Variants in DOCK11 observed in about 807,000 individuals in gnomAD.
DOCK11 encodes dedicator of cytokinesis protein 11.
DOCK11 carries 70 observed loss-of-function variants against 169.1 expected under a neutral mutation model. The ratio of observed to expected loss-of-function variants is 0.41; its 90% confidence interval spans 0.34 to 0.51. DOCK11 has a LOEUF of 0.51. Among genes scored for constraint, DOCK11 ranks in the 20% least tolerant of loss-of-function variants. The pLI, the probability that DOCK11 is intolerant of heterozygous loss-of-function variation, is 0.10. For missense variants in DOCK11, 1,166 were observed against 1,538.8 expected (o/e 0.76, Z 4.05); for synonymous variants, 529 against 541.3 (o/e 0.98, Z 0.32).
chrX:118,536,276 G>T (rs2011748924), intron 1 of DOCK11, among the ~76,000 whole-genome samples: 1 of 109,832 alleles, frequency 9.1e-6, no homozygotes, highest in Non-Finnish European at 1.9e-5. Flanking sequence ...TCCATCCTGG[G>T]CGACAGAGTA....
At chrX:118,507,542 GT>G (rs2057621975) in intron 1 of DOCK11, among the ~76,000 whole-genome samples, 1 of 111,016 alleles carries the variant, frequency 9.0e-6, no homozygotes, top group African/African-American at 3.3e-5. Flanking sequence ...TAGAGACGGG[GT>G]TTCACCATGT....
intron 45 of DOCK11, among the ~76,000 whole-genome samples, chrX:118,664,347 A>G (rs1362637241): frequency 8.9e-6 from 1 of 111,765 alleles, no homozygotes; most frequent in Admixed American, 9.5e-5. Flanking sequence ...GGAAATAACC[A>G]TCAAGCCATT....
intron 45 of DOCK11, among the ~76,000 whole-genome samples, chrX:118,665,763 A>G (rs956852659): frequency 8.9e-6 from 1 of 112,408 alleles, no homozygotes; most frequent in Non-Finnish European, 1.9e-5. Context: ...TTTAGAAGTT[A>G]CATTGAAATG....
In DOCK11 at chrX:118,586,984, A is replaced by G. The variant is rs181864058; in HGVS notation, c.1796-1153A>G. The stretch of plus-strand genomic sequence containing the variant: ...GGTGTGGCATCCACTTTATATTTTA[A>G]AACATCTAAGAGTACAATGGATTAT... On this transcript the variant is annotated intron_variant, in intron 16 of 52. Transcript: ENST00000276202. 6.2e-5 allele frequency among the ~76,000 whole-genome samples: 7 copies of G among 112,649 alleles called. No individual in the cohort carries two copies. The Admixed American group carries it at 6.6e-4, about 11-fold the overall frequency.
At chrX:118,676,122 C>T in intron 47 of DOCK11, 73 bp downstream of exon 47, 2 of 674,445 alleles carry the variant, frequency 3.0e-6, no homozygotes, top group Non-Finnish European at 4.5e-6. Context: ...ACTATAGCAG[C>T]TAGGAGTCTA....
intron 12 of DOCK11, among the ~76,000 whole-genome samples, chrX:118,576,282 C>T (rs1603081424): frequency 9.0e-6 from 1 of 111,217 alleles, no homozygotes; most frequent in Middle Eastern, 4.6e-3. Context: ...TAAGAGTCGC[C>T]CTGGGGTGGG....
In DOCK11 at chrX:118,508,621, T is replaced by C. The variant is rs377079926; in HGVS notation, c.102+12548T>C. Among the ~76,000 whole-genome samples, 7 of 111,452 alleles carry C rather than the reference T, an allele frequency of 6.3e-5. No homozygotes were observed. In the South Asian group the frequency reaches 2.4e-3, roughly 38 times the overall value. On this transcript the variant is annotated intron_variant, in intron 1 of 52. Coordinates refer to ENST00000276202, the MANE Select transcript of DOCK11 (RefSeq NM_144658.4). ...GTACATACATGGAACTGAATCGTTA[T>C]TTCAAAGCTCACAGGGGCCAATAGC...
At chrX:118,578,298 C>T (rs888058778) in intron 12 of DOCK11, among the ~76,000 whole-genome samples, 2 of 111,485 alleles carry the variant, frequency 1.8e-5, no homozygotes, top group East Asian at 2.8e-4. Context: ...GTGACACCTG[C>T]GCTATGGAGA....
rs779502163 is a variant in DOCK11 at position 118,601,338 on chromosome X, C to T, written c.2562+2110C>T. ...ACTTAGGAGGCTGAGGTGGGAGGATCGTTTGAGCCTGGGAGGTTGAGTCTC... is the reference window on the plus strand; with the variant it reads ...ACTTAGGAGGCTGAGGTGGGAGGATTGTTTGAGCCTGGGAGGTTGAGTCTC... On this transcript the variant is annotated intron_variant, in intron 23 of 52. Transcript: ENST00000276202. Among the ~76,000 whole-genome samples the T allele has an allele frequency of 2.8e-5, 3 of 106,673 alleles. No individual in the cohort carries two copies. In the South Asian group the frequency reaches 1.3e-3, roughly 45 times the overall value. 92.6% of individuals were successfully genotyped at this position (106,673 alleles called of 115,157 possible).
intron 13 of DOCK11, among the ~76,000 whole-genome samples, chrX:118,579,848 A>G (rs1265655559): frequency 8.9e-6 from 1 of 112,146 alleles, no homozygotes; most frequent in Non-Finnish European, 1.9e-5. Context: ...AGTGTGCCCT[A>G]TATCTATTTC....
chrX:118,498,840 G>A (rs1454406985), intron 1 of DOCK11, among the ~76,000 whole-genome samples: 3 of 110,517 alleles, frequency 2.7e-5, no homozygotes, highest in Admixed American at 9.7e-5. Flanking sequence ...CTCACTGTTT[G>A]AAAAATTCAG....
In DOCK11 at chrX:118,648,862, G is replaced by A. The variant is rs111949659; in HGVS notation, c.4399-83G>A. 3,052 of 864,487 alleles carry A rather than the reference G, an allele frequency of 3.5e-3. 41 individuals carry two copies. The highest frequency in any genetic ancestry group is 0.035 in the East Asian group (1,034 of 29,786). The allele number at this position is 864,487 out of a possible 1,213,427, so 71.2% of individuals were successfully genotyped here. A position where few individuals can be genotyped will look rare whatever the true frequency, so the allele number is the denominator to read the frequency against. On this transcript the variant is annotated intron_variant, in intron 40 of 52. Transcript: ENST00000276202. Reference sequence around the variant, plus strand: ...CTCAAAGCCCCCAGCATAGTTTTAGGTGAGGATATAGAGGGCACTTGATAT... The same window carrying A: ...CTCAAAGCCCCCAGCATAGTTTTAGATGAGGATATAGAGGGCACTTGATAT...
Position 118,643,611 on chromosome X carries a change from G to T in DOCK11, c.4398+17G>T. 8.3e-7 allele frequency: 1 copy of T among 1,206,460 alleles called. No individual in the cohort carries two copies. Among genetic ancestry groups the T allele is most frequent in the Non-Finnish European group, 1.1e-6 (1 of 893,415 alleles). On this transcript the variant is annotated intron_variant, in intron 40 of 52. Coordinates refer to ENST00000276202, the MANE Select transcript of DOCK11 (RefSeq NM_144658.4). The stretch of plus-strand genomic sequence containing the variant: ...ATCAGTAAGGTAAGGACAGAAGCTT[G>T]GGAGCAGCCGGTGGGCTCTCTTCAT...
rs2147513785 is a variant in DOCK11 at position 118,641,213 on chromosome X, A to G, written c.4168A>G (p.Ile1390Val). 5 of 1,208,677 alleles carry G rather than the reference A, an allele frequency of 4.1e-6. No homozygotes were observed. Among genetic ancestry groups the G allele is most frequent in the Non-Finnish European group, 5.6e-6 (5 of 892,813 alleles). Residue 1390 changes from isoleucine (I) to valine (V), a missense_variant, in exon 39 of 53, where the codon ATT becomes GTT. Physicochemically the swap from Ile to Val is conservative, Grantham distance 29. Transcript: ENST00000276202. ...AGGTTCTACAACAACTGAAGCAGAC[A>G]TTTTCCACCAGGCACTTCTTGAAGG... ...NHSSTTTEADIFHQALLEGNT... is the reference protein window; with the variant it reads ...NHSSTTTEADVFHQALLEGNT...
intron 1 of DOCK11, among the ~76,000 whole-genome samples, chrX:118,503,206 C>CAT (rs2057588399): frequency 1.8e-5 from 2 of 108,414 alleles, no homozygotes; most frequent in African/African-American, 6.8e-5. Context: ...ATTACAGATG[C>CAT]GTGCCACCAC....
intron 38 of DOCK11, among the ~76,000 whole-genome samples, chrX:118,639,788 GT>G (rs1232917803): frequency 8.9e-6 from 1 of 111,764 alleles, no homozygotes; most frequent in Non-Finnish European, 1.9e-5. Flanking sequence ...TCCCATACAT[GT>G]GTTTGCATCT....
chrX:118,550,165 G>A (rs748423173), intron 6 of DOCK11, among the ~76,000 whole-genome samples: 16 of 111,877 alleles, frequency 1.4e-4, no homozygotes, highest in South Asian at 3.7e-4. Context: ...TGGGCCAGGC[G>A]TGGTAGTTCA....
intron 1 of DOCK11, among the ~76,000 whole-genome samples, chrX:118,520,906 A>G (rs1221032144): frequency 1.8e-5 from 2 of 111,731 alleles, no homozygotes; most frequent in Non-Finnish European, 3.8e-5. Flanking sequence ...AAGTAGTACA[A>G]TCCTGTTCAC....
At chrX:118,679,377 C>G (rs953827316) in intron 48 of DOCK11, among the ~76,000 whole-genome samples, 7 of 112,251 alleles carry the variant, frequency 6.2e-5, no homozygotes, top group African/African-American at 2.3e-4. Context: ...CCTGTCTCCA[C>G]TAATGAGAGA....
Sources: gnomAD v4.1 joint callset for allele counts (sites outside exome capture counted in the v4.1 genomes callset) on GRCh38, gnomAD v4.1.1 for gene constraint, MANE v1.5 for transcripts, NCBI Gene and HGNC (gene_info 2026-07-23, HGNC 2026-07-21) for gene names.